The following ANKDD1A variants were observed in gnomAD, a reference collection of about 807,000 sequenced individuals.
ANKDD1A encodes the protein ankyrin repeat and death domain containing 1A, also known as ankyrin repeat and death domain-containing protein 1A.
In ANKDD1A, 59 loss-of-function variants were observed where a neutral mutation model predicts 63.5. The ratio of observed to expected loss-of-function variants is 0.93; its 90% confidence interval spans 0.75 to 1.15. ANKDD1A has a LOEUF of 1.15. Ranked by LOEUF, ANKDD1A falls within the 50% of genes most tolerant of loss-of-function variation. The pLI, the probability that ANKDD1A is intolerant of heterozygous loss-of-function variation, is 0.00. For synonymous variants in ANKDD1A, 266 were observed against 263.9 expected, an observed-to-expected ratio of 1.01 and a Z score of -0.08; for missense variants, 632 against 656.4, an observed-to-expected ratio of 0.96 and a Z score of 0.41.
At chr15:64,930,213 CAA>C (rs1466891362) in intron 6 of ANKDD1A, among the ~76,000 whole-genome samples, 1 of 150,058 alleles carries the variant, frequency 6.7e-6, no homozygotes, top group East Asian at 2.0e-4. Flanking sequence ...ACCGATGTAA[CAA>C]ACCTGCACAT....
At chr15:64,952,722 C>T (rs1453039839) in intron 14 of ANKDD1A, among the ~76,000 whole-genome samples, 3 of 125,890 alleles carry the variant, frequency 2.4e-5, no homozygotes, top group South Asian at 2.5e-4. Context: ...TTTCTTCTTT[C>T]TTCTTCTCCT....
intron 14 of ANKDD1A, among the ~76,000 whole-genome samples, chr15:64,952,608 TTCC>T (rs2085314225): frequency 2.7e-5 from 3 of 112,860 alleles, no homozygotes; most frequent in Admixed American, 9.2e-5. Context: ...CGTCTTCTTC[TTCC>T]TCCTCTCCTT....
chr15:64,943,864 T>A, intron 11 of ANKDD1A: 3 of 433,268 alleles, frequency 6.9e-6, no homozygotes, highest in East Asian at 4.4e-5. Context: ...TGTGACCTCC[T>A]GAGTCACCTG....
intron 9 of ANKDD1A, among the ~76,000 whole-genome samples, chr15:64,935,374 A>G (rs1220021717): frequency 6.6e-6 from 1 of 151,752 alleles, no homozygotes; most frequent in Non-Finnish European, 1.5e-5. Flanking sequence ...CTACAAAAAT[A>G]TAGAAAATTA....
rs905850328 is a variant in ANKDD1A, at chr15:64,921,095, T to C, written c.268-826T>C. ...AAGTGATCCTCCCACCTCAGCCTCC[T>C]GAGTAGCTGGGACCACAGGAGTGTG... On this transcript the variant is annotated intron_variant, in intron 3 of 14. Coordinates refer to ENST00000319580, the MANE Select transcript of ANKDD1A (RefSeq NM_182703.6). 2.0e-4 allele frequency among the ~76,000 whole-genome samples: 31 copies of C among 151,492 alleles called. 1 individual carries two copies. Among genetic ancestry groups the C allele is most frequent in the Non-Finnish European group, 2.9e-5 (2 of 67,838 alleles).
At chr15:64,954,529 TTCC>T (rs371876487) in intron 14 of ANKDD1A, among the ~76,000 whole-genome samples, 6,743 of 44,572 alleles carry the variant, frequency 0.15, 554 homozygotes, top group African/African-American at 0.25. Context: ...CTTCTCCTTC[TTCC>T]TCCTTCTCCT....
intron 14 of ANKDD1A, among the ~76,000 whole-genome samples, chr15:64,955,289 G>A (rs910692074): frequency 6.6e-6 from 1 of 152,160 alleles, no homozygotes; most frequent in East Asian, 1.9e-4. Context: ...TCCTGACCTC[G>A]TGATCTTCCC....
chr15:64,953,780 T>C (rs1402538549), intron 14 of ANKDD1A, among the ~76,000 whole-genome samples: 2 of 18,244 alleles, frequency 1.1e-4, no homozygotes, highest in African/African-American at 1.4e-4. Flanking sequence ...TTCCCTCTTT[T>C]CTTTCTTCTG....
intron 14 of ANKDD1A, among the ~76,000 whole-genome samples, chr15:64,953,531 C>CCT (rs2085344316): frequency 1.6e-5 from 2 of 127,366 alleles, no homozygotes; most frequent in African/African-American, 7.8e-5. Context: ...CTTCCTTCTT[C>CCT]TCCTCTCCTT....
chr15:64,919,432 A>G (rs2084993087), intron 3 of ANKDD1A, among the ~76,000 whole-genome samples: 1 of 152,022 alleles, frequency 6.6e-6, no homozygotes, highest in Non-Finnish European at 1.5e-5. Context: ...GTAGACCCTC[A>G]TTTGTTTCTT....
At chr15:64,921,874 C>T in intron 3 of ANKDD1A, 47 bp from the exon 4 acceptor site, 44 of 1,569,126 alleles carry the variant, frequency 2.8e-5, no homozygotes, top group Non-Finnish European at 3.7e-5. Context: ...CTGGCACAGC[C>T]ACGCCTTCCC....
intron 4 of ANKDD1A, among the ~76,000 whole-genome samples, chr15:64,923,245 C>T (rs543256426): frequency 6.6e-4 from 100 of 152,144 alleles, no homozygotes; most frequent in African/African-American, 2.2e-3. Context: ...AGCCACTAGC[C>T]AAGGAATTCG....
chr15:64,919,536 T>C (rs28465588), intron 3 of ANKDD1A, among the ~76,000 whole-genome samples: 6,103 of 152,326 alleles, frequency 0.04, 197 homozygotes, highest in African/African-American at 0.082. Flanking sequence ...CAACACCTTC[T>C]CTAGGATTTC....
chr15:64,945,319 C>G (rs2085213763), intron 12 of ANKDD1A, among the ~76,000 whole-genome samples: 1 of 151,900 alleles, frequency 6.6e-6, no homozygotes. Context: ...TACAGATGGT[C>G]CCCGATTACA....
intron 9 of ANKDD1A, among the ~76,000 whole-genome samples, chr15:64,942,090 G>T (rs1001393473): frequency 2.0e-5 from 3 of 152,114 alleles, no homozygotes; most frequent in East Asian, 1.9e-4. Context: ...TACTTCCTAG[G>T]TTGATGTGTG....
At chr15:64,950,501 T>C (rs867803262) in intron 14 of ANKDD1A, 1 of 985,206 alleles carries the variant, frequency 1.0e-6, no homozygotes, top group African/African-American at 1.7e-5. Flanking sequence ...CTAGTACTAA[T>C]CCCTCATTAA....
Position 64,947,415 on chromosome 15 carries a change from T to A in ANKDD1A, c.1173T>A (p.Ser391Arg). 1 of 1,612,782 alleles carries A rather than the reference T, an allele frequency of 6.2e-7. No individual in the cohort carries two copies. Among genetic ancestry groups the A allele is most frequent in the Non-Finnish European group, 8.5e-7 (1 of 1,178,956 alleles). Residue 391 changes from serine (S) to arginine (R), a missense_variant, in exon 13 of 15, where the codon AGT (serine) becomes AGA (arginine). Transcript: ENST00000319580. ...GATCTGCCCCACAGGACCACCCCAG[T>A]GATCCCTCTGGGAAGAGCTTGTCCT... ...RFYRWEKDHP[S>R]DPSGKSLSFK... is the part of the protein sequence containing the mutation.
rs61390435 is a variant in ANKDD1A, at chr15:64,945,607, CATATAT to C, written c.1161+879_1161+884del. 1.0e-3 allele frequency among the ~76,000 whole-genome samples: 77 copies of C among 73,866 alleles called. 5 individuals are homozygous for C. The highest frequency in any genetic ancestry group is 6.1e-3 in the South Asian group (20 of 3,262). The allele number at this position is 73,866 out of a possible 152,430, so 48.5% of individuals were successfully genotyped here. ...TTAGAGGGATTAAATGCATTTTCAA[CATATAT>C]ATATATATATATATATATGAACTTT... On this transcript the variant is annotated intron_variant, in intron 12 of 14. Coordinates refer to ENST00000319580, the MANE Select transcript of ANKDD1A (RefSeq NM_182703.6).
intron 14 of ANKDD1A, 43 bp downstream of exon 14, chr15:64,950,015 G>GC (rs1566914922): frequency 1.3e-6 from 2 of 1,595,902 alleles, no homozygotes; most frequent in East Asian, 2.2e-5. Flanking sequence ...GAGCTGGGTG[G>GC]CCCCCACTGG....
Sources: allele counts gnomAD v4.1 joint callset (sites outside exome capture counted in the v4.1 genomes callset), GRCh38; gene constraint gnomAD v4.1.1; transcripts MANE v1.5; gene names NCBI Gene and HGNC (gene_info 2026-07-23, HGNC 2026-07-21).